The following VPS53 variants were observed in gnomAD, a reference collection of about 807,000 sequenced individuals.
The protein encoded by VPS53 is vacuolar protein sorting-associated protein 53 homolog.
In VPS53, 70 loss-of-function variants were observed where a neutral mutation model predicts 107.0. That is an observed-to-expected ratio of 0.65 (90% CI 0.54 to 0.80). The LOEUF (loss-of-function observed/expected upper bound fraction) is 0.80. VPS53 is among the 30% of genes least tolerant of loss of function. The probability of loss-of-function intolerance (pLI) is 0.00; values close to 1 mark genes in which losing one functional copy is unlikely to be tolerated. For synonymous variants in VPS53, 409 were observed against 393.3 expected (o/e 1.04, Z -0.47); for missense variants, 917 against 1,049.4 (o/e 0.87, Z 1.74).
chr17:530,513 A>G (rs1909459770), intron 19 of VPS53, among the ~76,000 whole-genome samples: 1 of 152,206 alleles, frequency 6.6e-6, no homozygotes, highest in African/African-American at 2.4e-5. Flanking sequence ...ACTCATAATC[A>G]TATTTTCCAT....
In VPS53 at chr17:514,558, A is replaced by G. The variant is rs1908170005; in HGVS notation, c.*4570T>C. 1 of 152,216 alleles carries G rather than the reference A, an allele frequency of 6.6e-6. No homozygotes were observed. The highest frequency in any genetic ancestry group is 2.4e-5 in the African/African-American group (1 of 41,434). The allele number at this position is 152,216 out of a possible 1,614,324, so 9.4% of individuals were successfully genotyped here. A position where few individuals can be genotyped will look rare whatever the true frequency, so the allele number is the denominator to read the frequency against. On this transcript the variant is annotated 3_prime_UTR_variant, in exon 22 of 22. Transcript: ENST00000437048. ...TTCCTAGGGAAGGAACCCCATTTCC[A>G]GCAGGTTATTCCGAGTGCTCTTCCT...
chr17:538,775 T>C (rs558333046), intron 17 of VPS53: 14 of 152,182 alleles, frequency 9.2e-5, no homozygotes, highest in Admixed American at 3.3e-4. Context: ...AGAACTCTAA[T>C]TTATTACTGG....
At chr17:631,772 T>C in intron 7 of VPS53, 144 bp from the exon 8 acceptor site, 1 of 636,042 alleles carries the variant, frequency 1.6e-6, no homozygotes, top group Non-Finnish European at 2.7e-6. Flanking sequence ...GGTCACATAC[T>C]AGTTAAGTGA....
intron 7 of VPS53, among the ~76,000 whole-genome samples, chr17:651,987 G>A (rs559523307): frequency 9.3e-4 from 141 of 151,804 alleles, no homozygotes; most frequent in Non-Finnish European, 1.5e-3. Context: ...CGTATCTAAA[G>A]TTTTTGTGGT....
At chr17:689,424 A>T (rs1972700960) in intron 4 of VPS53, among the ~76,000 whole-genome samples, 1 of 149,964 alleles carries the variant, frequency 6.7e-6, no homozygotes, top group African/African-American at 2.4e-5. Flanking sequence ...CAAACTCCTG[A>T]GTAGCCAAGA....
At chr17:586,511 C>G (rs1358527809) in intron 12 of VPS53, 147 bp from the exon 13 acceptor site, 2 of 782,160 alleles carry the variant, frequency 2.6e-6, no homozygotes, top group Admixed American at 5.4e-5. Context: ...TTTCACCATT[C>G]ACCCTGGCAG....
At chr17:673,436 C>T (rs1439752488) in intron 4 of VPS53, among the ~76,000 whole-genome samples, 1 of 152,244 alleles carries the variant, frequency 6.6e-6, no homozygotes, top group Non-Finnish European at 1.5e-5. Flanking sequence ...CGACGGTGCT[C>T]AACAGCAGCA....
intron 4 of VPS53, among the ~76,000 whole-genome samples, chr17:690,217 A>G (rs527596169): frequency 6.6e-6 from 1 of 152,260 alleles, no homozygotes; most frequent in African/African-American, 2.4e-5. Context: ...ACAATCGAGC[A>G]GAACTAGTGG....
chr17:635,415 T>C (rs1296190680), intron 7 of VPS53, among the ~76,000 whole-genome samples: 1 of 152,262 alleles, frequency 6.6e-6, no homozygotes, highest in African/African-American at 2.4e-5. Flanking sequence ...ATCCCATTTG[T>C]CAATTTTGGC....
chr17:639,625 C>T (rs1404469604), intron 7 of VPS53, among the ~76,000 whole-genome samples: 3 of 152,108 alleles, frequency 2.0e-5, no homozygotes, highest in African/African-American at 4.8e-5. Flanking sequence ...GTTAGTTTTC[C>T]TTCTAACAGT....
intron 13 of VPS53, among the ~76,000 whole-genome samples, chr17:575,384 C>G (rs1325413750): frequency 6.6e-6 from 1 of 152,190 alleles, no homozygotes; most frequent in Non-Finnish European, 1.5e-5. Flanking sequence ...GGGTGAAGTG[C>G]AATCAGACCT....
chr17:561,222 C>A (rs1912938171), intron 14 of VPS53, among the ~76,000 whole-genome samples: 1 of 152,188 alleles, frequency 6.6e-6, no homozygotes, highest in Non-Finnish European at 1.5e-5. Flanking sequence ...GAGGCCAACA[C>A]CCATCACACA....
intron 13 of VPS53, among the ~76,000 whole-genome samples, chr17:581,762 C>G (rs758777865): frequency 6.6e-6 from 1 of 151,818 alleles, no homozygotes; most frequent in East Asian, 1.9e-4. Context: ...GATCCTCCCT[C>G]AGAATCTAAT....
At chr17:577,378 A>G (rs532336108) in intron 13 of VPS53, among the ~76,000 whole-genome samples, 1 of 151,478 alleles carries the variant, frequency 6.6e-6, no homozygotes, top group South Asian at 2.1e-4. Context: ...TTCCCAGAGA[A>G]CATCCCTCCA....
intron 17 of VPS53, 160 bp downstream of exon 17, chr17:551,712 G>A (rs922738185): frequency 1.6e-5 from 8 of 492,166 alleles, no homozygotes; most frequent in African/African-American, 3.9e-5. Flanking sequence ...ACGCAGGTGC[G>A]ACACTAACTG....
intron 10 of VPS53, among the ~76,000 whole-genome samples, chr17:625,109 C>G (rs1428978977): frequency 6.6e-6 from 1 of 151,914 alleles, no homozygotes; most frequent in African/African-American, 2.4e-5. Context: ...CCACCTCAGC[C>G]TCTCTAGTAG....
At chr17:670,549 T>C (rs1971892528) in intron 4 of VPS53, among the ~76,000 whole-genome samples, 1 of 152,204 alleles carries the variant, frequency 6.6e-6, no homozygotes, top group Non-Finnish European at 1.5e-5. Context: ...TTTTTCCTTT[T>C]TTTGCAGAAC....
rs1482036863 is a variant in VPS53 at position 710,573 on chromosome 17, T to C, written c.128A>G (p.Asn43Ser). The change falls in exon 2 of 22, where the codon AAT (asparagine) becomes AGT (serine). Residue 43 changes from asparagine (N) to serine (S), a missense_variant. Coordinates refer to ENST00000437048, the MANE Select transcript of VPS53 (RefSeq NM_001128159.3). ...SQDPLDRADFNAVEYINTLFP... is the reference protein window; with the variant it reads ...SQDPLDRADFSAVEYINTLFP... ...CAGGGTATTGATATACTCAACAGCA[T>C]TGAAATCTGCTCGATCTAGAGGGTC... 18 of 1,614,052 alleles carry C rather than the reference T, an allele frequency of 1.1e-5. No individual in the cohort carries two copies. The highest frequency in any genetic ancestry group is 2.2e-5 in the East Asian group (1 of 44,876).
intron 19 of VPS53, among the ~76,000 whole-genome samples, chr17:528,558 G>A (rs1025045825): frequency 6.8e-6 from 1 of 146,476 alleles, no homozygotes; most frequent in Non-Finnish European, 1.5e-5. Context: ...GAATATTTGT[G>A]TACAAGCTTT....
Sources: gnomAD v4.1 joint callset for allele counts (sites outside exome capture counted in the v4.1 genomes callset) on GRCh38, gnomAD v4.1.1 for gene constraint, MANE v1.5 for transcripts, NCBI Gene and HGNC (gene_info 2026-07-23, HGNC 2026-07-21) for gene names.